SLC37A3: variants seen among roughly 807,000 people sequenced by gnomAD.
The protein encoded by SLC37A3 is sugar phosphate exchanger 3.
A neutral mutation model predicts 67.1 loss-of-function variants in SLC37A3; 51 were observed. The observed-to-expected ratio is 0.76, with a 90% CI of 0.61 to 0.96. SLC37A3 has a LOEUF of 0.96. Ranked by LOEUF, SLC37A3 falls within the 40% of genes least tolerant of loss-of-function variation. The pLI is 0.00. For synonymous variants in SLC37A3, 214 were observed against 231.4 expected (o/e 0.92, Z 0.68); for missense variants, 508 against 603.0 (o/e 0.84, Z 1.65).
chr7:140,382,396 A>C (rs1798293009), intron 2 of SLC37A3, 42 bp downstream of exon 2: 3 of 1,577,300 alleles, frequency 1.9e-6, no homozygotes, highest in African/African-American at 2.7e-5. Context: ...CTCAAAAGAA[A>C]AAAGAAAAAA....
rs1400344418 is a variant in SLC37A3, at chr7:140,345,859, G to A, written c.1126+10C>T. 1 of 1,600,758 alleles carries A rather than the reference G, an allele frequency of 6.2e-7. No individual in the cohort carries two copies. The highest frequency in any genetic ancestry group is 1.7e-5 in the Admixed American group (1 of 59,978). On this transcript the variant is annotated intron_variant, in intron 11 of 14. Transcript: ENST00000326232. Reference sequence around the variant, plus strand: ...AGCAAAGGAATTAGTAATTGCAAAAGAATACTCACGACTATACCCGATGAG... The same window carrying A: ...AGCAAAGGAATTAGTAATTGCAAAAAAATACTCACGACTATACCCGATGAG...
intron 5 of SLC37A3, among the ~76,000 whole-genome samples, chr7:140,359,342 C>CA (rs11389043): frequency 0.41 from 47,621 of 116,532 alleles, 9,654 homozygotes; most frequent in Middle Eastern, 0.51. Context: ...GACTCTGTCT[C>CA]AAAAAAAAAA....
intron 6 of SLC37A3, 104 bp from the exon 7 acceptor site, chr7:140,355,868 G>A (rs1385213623): frequency 1.1e-6 from 1 of 896,936 alleles, no homozygotes; most frequent in Non-Finnish European, 1.8e-6. Flanking sequence ...ATACTACCAA[G>A]ACTAAACATG....
In SLC37A3 at chr7:140,363,705, TAA is replaced by T. The variant is rs78815725; in HGVS notation, c.375+701_375+702del. ...GAATGATCAATAAAAAAAAAATAAA[TAA>T]AAAAATAAAAAAAAAAGAGCAAAAC... On this transcript the variant is annotated intron_variant, in intron 5 of 14. Transcript: ENST00000326232. 6.6e-5 allele frequency among the ~76,000 whole-genome samples: 6 copies of T among 91,182 alleles called. No individual in the cohort carries two copies. The East Asian group carries it at 1.9e-3, about 28-fold the overall frequency. The allele number at this position is 91,182 out of a possible 152,430, so 59.8% of individuals were successfully genotyped here.
intron 5 of SLC37A3, among the ~76,000 whole-genome samples, chr7:140,364,041 G>C (rs1797494568): frequency 6.6e-6 from 1 of 152,174 alleles, no homozygotes; most frequent in African/African-American, 2.4e-5. Context: ...AGGATCACCT[G>C]AGGCCAGGAG....
chr7:140,354,030 T>C (rs1796923275), intron 7 of SLC37A3, among the ~76,000 whole-genome samples: 1 of 152,182 alleles, frequency 6.6e-6, no homozygotes, highest in African/African-American at 2.4e-5. Context: ...ACTTTTGAGA[T>C]TGCTGCAGTG....
chr7:140,350,997 T>C (rs1033760940), intron 9 of SLC37A3, among the ~76,000 whole-genome samples: 1 of 152,208 alleles, frequency 6.6e-6, no homozygotes, highest in African/African-American at 2.4e-5. Context: ...CTGTGGCTTA[T>C]TTTGTTCTAC....
intron 13 of SLC37A3, among the ~76,000 whole-genome samples, chr7:140,341,991 C>T (rs1417067561): frequency 6.6e-6 from 1 of 152,062 alleles, no homozygotes; most frequent in East Asian, 1.9e-4. Context: ...GTTTTTTGCC[C>T]TTTAGTCTTA....
intron 5 of SLC37A3, among the ~76,000 whole-genome samples, chr7:140,361,194 A>C (rs2117135837): frequency 1.1e-5 from 1 of 90,078 alleles, no homozygotes; most frequent in East Asian, 3.8e-4. Context: ...AGAAAGGAGC[A>C]GGATAGGGCC....
intron 13 of SLC37A3, among the ~76,000 whole-genome samples, chr7:140,343,144 AG>A (rs1796423113): frequency 1.3e-5 from 2 of 152,214 alleles, no homozygotes; most frequent in Non-Finnish European, 2.9e-5. Flanking sequence ...CTGGGGCAGA[AG>A]GATCTGTCTG....
chr7:140,386,698 A>G (rs1156274430), intron 1 of SLC37A3: 1 of 152,162 alleles, frequency 6.6e-6, no homozygotes, highest in Non-Finnish European at 1.5e-5. Flanking sequence ...CAAATTTCAA[A>G]ACCAAATTTC....
At chr7:140,396,648 G>A (rs1272654343) in intron 1 of SLC37A3, among the ~76,000 whole-genome samples, 3 of 152,126 alleles carry the variant, frequency 2.0e-5, no homozygotes, top group Non-Finnish European at 4.4e-5. Flanking sequence ...TAACACTGAT[G>A]AACAGAGCAC....
chr7:140,380,478 C>A, intron 2 of SLC37A3, 88 bp from the exon 3 acceptor site: 1 of 920,786 alleles, frequency 1.1e-6, no homozygotes, highest in Non-Finnish European at 1.6e-6. Context: ...TTCTTTTATT[C>A]AATTTTATTT....
chr7:140,352,499 A>G (rs1796856000), intron 7 of SLC37A3, among the ~76,000 whole-genome samples: 1 of 152,178 alleles, frequency 6.6e-6, no homozygotes, highest in South Asian at 2.1e-4. Context: ...AAGATATTAC[A>G]TACAGTTGAG....
intron 3 of SLC37A3, among the ~76,000 whole-genome samples, chr7:140,372,512 A>C (rs1488628127): frequency 6.6e-6 from 1 of 152,198 alleles, no homozygotes; most frequent in East Asian, 1.9e-4. Flanking sequence ...AGCACTAGTG[A>C]TCACCATATT....
chr7:140,355,203 C>CTT (rs36028664), intron 7 of SLC37A3, among the ~76,000 whole-genome samples: 3 of 148,722 alleles, frequency 2.0e-5, no homozygotes, highest in Admixed American at 6.7e-5. Context: ...AGTTTGTCTA[C>CTT]TTTTTTTTTT....
intron 2 of SLC37A3, 128 bp from the exon 3 acceptor site, chr7:140,380,518 CA>C: frequency 1.7e-6 from 1 of 601,374 alleles, no homozygotes; most frequent in South Asian, 1.9e-5. Flanking sequence ...CCACCTGAAC[CA>C]AAATAGATTC....
chr7:140,358,639 C>T lies in SLC37A3; in HGVS notation c.521+1G>A, dbSNP rs770752403. On this transcript the variant is annotated splice_donor_variant, in intron 6 of 14. Coordinates refer to ENST00000326232, the MANE Select transcript of SLC37A3 (RefSeq NM_207113.3). LOFTEE classifies it high-confidence loss of function. ...AATTAGAGAGGAAGGAAGTGGCATA[C>T]CCGGCTTTCCCAAACCAGTTGCCCA... 7 of 1,613,518 alleles carry T rather than the reference C, an allele frequency of 4.3e-6. No homozygotes were observed. The highest frequency in any genetic ancestry group is 5.1e-6 in the Non-Finnish European group (6 of 1,179,546).
chr7:140,361,493 C>G (rs1242750530), intron 5 of SLC37A3, among the ~76,000 whole-genome samples: 13 of 43,866 alleles, frequency 3.0e-4, no homozygotes, highest in African/African-American at 1.5e-3. Flanking sequence ...CACAGCCTCT[C>G]CCTCCCCCTC....
Sources: allele counts gnomAD v4.1 joint callset (sites outside exome capture counted in the v4.1 genomes callset), GRCh38; gene constraint gnomAD v4.1.1; transcripts MANE v1.5; gene names NCBI Gene and HGNC (gene_info 2026-07-23, HGNC 2026-07-21).